The following HGF variants were observed in gnomAD, a reference collection of about 807,000 sequenced individuals.
HGF encodes the protein fibroblast-derived tumor cytotoxic factor.
In HGF, 39 loss-of-function variants were observed where a neutral mutation model predicts 111.6. That is an observed-to-expected ratio of 0.35 (90% CI 0.27 to 0.46). HGF has a LOEUF of 0.46. Ranked by LOEUF, HGF falls within the 20% of genes least tolerant of loss-of-function variation. The pLI, the probability that HGF is intolerant of heterozygous loss-of-function variation, is 1.00. For synonymous variants in HGF, 285 were observed against 294.8 expected, an observed-to-expected ratio of 0.97 and a Z score of 0.34; for missense variants, 735 against 910.5, an observed-to-expected ratio of 0.81 and a Z score of 2.48.
At chr7:81,769,230 A>G (rs1369289294) in intron 1 of HGF, among the ~76,000 whole-genome samples, 2 of 152,170 alleles carry the variant, frequency 1.3e-5, no homozygotes, top group African/African-American at 4.8e-5. Flanking sequence ...CCAAGGGAGA[A>G]AGTGGGAGAC....
intron 9 of HGF, among the ~76,000 whole-genome samples, chr7:81,723,006 A>G (rs1366609836): frequency 6.6e-6 from 1 of 151,936 alleles, no homozygotes; most frequent in Non-Finnish European, 1.5e-5. Context: ...TGACTATGAA[A>G]GGTCATCTGC....
At position 81,720,772 on chromosome 7, in the gene HGF, C is replaced by T; in HGVS notation, c.1244G>A (p.Trp415Ter). 1 of 1,611,948 alleles carries T rather than the reference C, an allele frequency of 6.2e-7. No homozygotes were observed. The highest frequency in any genetic ancestry group is 8.5e-7 in the Non-Finnish European group (1 of 1,178,104). Residue 415 changes from tryptophan to a stop codon, truncating the protein, a stop_gained, in exon 10 of 18, where the codon TGG (tryptophan) becomes TAG (stop). Transcript: ENST00000222390. LOFTEE classifies it high-confidence loss of function. Reference sequence around the variant, plus strand: ...ATGTAAGTCTTCCATGTTCTTGTCCCACATTGAACATGTTAGTCCAGATCT... The same window carrying T: ...ATGTAAGTCTTCCATGTTCTTGTCCTACATTGAACATGTTAGTCCAGATCT... Reference protein sequence around the residue: ...QTRSGLTCSMWDKNMEDLHRH... With the variant: ...QTRSGLTCSM
chr7:81,758,815 T>C lies in HGF; in HGVS notation c.255-11A>G. ...TCAAAAACAAAAGCCCTGAAAAAAA[T>C]ATCAGAATGAAAAGAAGAAATACTA... On this transcript the variant is annotated splice_polypyrimidine_tract_variant and intron_variant, in intron 2 of 17. Coordinates refer to ENST00000222390, the MANE Select transcript of HGF (RefSeq NM_000601.6). The C allele has an allele frequency of 6.5e-7, 1 of 1,546,860 alleles. No individual in the cohort carries two copies.
chr7:81,757,036 C>A, intron 4 of HGF, 153 bp downstream of exon 4: 2 of 634,504 alleles, frequency 3.2e-6, no homozygotes, highest in Non-Finnish European at 5.7e-6. Context: ...TGCTAAATAT[C>A]AGTCATGAAT....
At chr7:81,746,874 G>C (rs765602600) in intron 5 of HGF, among the ~76,000 whole-genome samples, 1 of 152,144 alleles carries the variant, frequency 6.6e-6, no homozygotes, top group Non-Finnish European at 1.5e-5. Flanking sequence ...GCAGATCAAT[G>C]CTTGTTCAAA....
At chr7:81,750,927 A>AT in intron 5 of HGF, 1 of 903,320 alleles carries the variant, frequency 1.1e-6, no homozygotes, top group Non-Finnish European at 1.3e-6. Context: ...ATTATTTTTA[A>AT]AAGAAAAGAA....
At chr7:81,741,429 C>T (rs902012255) in intron 7 of HGF, among the ~76,000 whole-genome samples, 2 of 152,090 alleles carry the variant, frequency 1.3e-5, no homozygotes, top group East Asian at 3.9e-4. Flanking sequence ...TAGCCAGTGT[C>T]ATAGTCATTC....
intron 9 of HGF, among the ~76,000 whole-genome samples, chr7:81,722,491 A>G (rs1039133159): frequency 4.6e-5 from 7 of 151,864 alleles, no homozygotes; most frequent in African/African-American, 1.7e-4. Flanking sequence ...TAATCAAAAG[A>G]AATGTAGTCA....
Position 81,707,292 on chromosome 7 carries a change from A to T in HGF, c.1614T>A (p.Ser538=), listed in dbSNP as rs368519009. The change falls in exon 14 of 18, where the codon TCT becomes TCA. Residue 538 remains serine, a splice_region_variant and synonymous_variant. Transcript: ENST00000222390. The part of the protein sequence containing the change: ...WVLTARQCFP[S]RDLKDYEAWL... ...TACTAGTTTTAAAAACACTTTACCG[A>T]GAAGGGAAACACTGTCGTGCAGTAA... is the stretch of plus-strand genomic sequence containing the variant. 4 of 1,563,066 alleles carry T rather than the reference A, an allele frequency of 2.6e-6. No homozygotes were observed. Among genetic ancestry groups the T allele is most frequent in the Non-Finnish European group, 3.5e-6 (4 of 1,134,082 alleles).
intron 7 of HGF, 136 bp from the exon 8 acceptor site, chr7:81,729,915 G>T: frequency 3.1e-5 from 20 of 652,302 alleles, no homozygotes; most frequent in South Asian, 8.7e-5. Flanking sequence ...ATAATTGAGT[G>T]GAATAAGAAA....
chr7:81,756,229 T>A lies in HGF; in HGVS notation c.482+960A>T, dbSNP rs76998247. 1,722 of 569,840 alleles carry A rather than the reference T, an allele frequency of 3.0e-3. 27 individuals are homozygous for A. Among genetic ancestry groups the A allele is most frequent in the African/African-American group, 0.029 (1,508 of 52,504 alleles). The allele number at this position is 569,840 out of a possible 1,614,324, so 35.3% of individuals were successfully genotyped here. On this transcript the variant is annotated intron_variant, in intron 4 of 17. Transcript: ENST00000222390. Reference sequence around the variant, plus strand: ...GAAAACTTACTAAGTGTTTTTATGCTTCAGTTTTGTCATGTAGGTAAAATA... The same window carrying A: ...GAAAACTTACTAAGTGTTTTTATGCATCAGTTTTGTCATGTAGGTAAAATA...
chr7:81,731,692 CTG>C (rs1385987951), intron 7 of HGF, among the ~76,000 whole-genome samples: 2 of 152,068 alleles, frequency 1.3e-5, no homozygotes, highest in Admixed American at 6.6e-5. Context: ...TATGAGGAAA[CTG>C]AATGTATGGG....
chr7:81,729,543 C>G (rs998341281), intron 8 of HGF, 62 bp downstream of exon 8: 1 of 1,276,456 alleles, frequency 7.8e-7, no homozygotes, highest in Admixed American at 1.7e-5. Context: ...TAAAAAGTAA[C>G]CACTCTACCT....
intron 8 of HGF, 150 bp from the exon 9 acceptor site, chr7:81,726,167 T>G (rs1790003547): frequency 1.3e-6 from 1 of 767,164 alleles, no homozygotes; most frequent in South Asian, 1.5e-5. Context: ...CAATTTAATA[T>G]TCAGTATACA....
chr7:81,755,272 C>G (rs927163503), intron 4 of HGF: 3 of 152,106 alleles, frequency 2.0e-5, no homozygotes, highest in Non-Finnish European at 4.4e-5. Flanking sequence ...TTCCTCCAGA[C>G]AGAAACATAT....
chr7:81,705,697 G>C lies in HGF; in HGVS notation c.1814C>G (p.Thr605Arg), dbSNP rs147075806. ...ACTGCAACTGGTCTTTTCAGGAATT[G>C]TGCATCCATAATTAGGTAAATCAAT... ...STIDLPNYGC[T>R]IPEKTSCSVY... is the part of the protein sequence containing the mutation. The change falls in exon 16 of 18, where the codon ACA becomes AGA. Residue 605 changes from threonine (T) to arginine (R), a missense_variant. Transcript: ENST00000222390. The C allele has an allele frequency of 3.1e-6, 5 of 1,612,612 alleles. No homozygotes were observed. The highest frequency in any genetic ancestry group is 3.3e-4 in the Middle Eastern group (2 of 6,056).
At chr7:81,708,556 A>G (rs1290022924) in intron 13 of HGF, among the ~76,000 whole-genome samples, 2 of 10,842 alleles carry the variant, frequency 1.8e-4, no homozygotes, top group East Asian at 0.01. Flanking sequence ...TTTTTTTGAG[A>G]CAGAGTCTCG....
chr7:81,755,352 T>C (rs1234225380), intron 4 of HGF: 1 of 152,150 alleles, frequency 6.6e-6, no homozygotes, highest in Non-Finnish European at 1.5e-5. Context: ...CATGCAGATA[T>C]TCCAATAAGC....
At chr7:81,731,885 A>T (rs1204477225) in intron 7 of HGF, among the ~76,000 whole-genome samples, 1 of 152,164 alleles carries the variant, frequency 6.6e-6, no homozygotes. Context: ...TTGGGCAGCA[A>T]ACTTGTGACC....
Sources: gnomAD v4.1 joint callset for allele counts (sites outside exome capture counted in the v4.1 genomes callset) on GRCh38, gnomAD v4.1.1 for gene constraint, MANE v1.5 for transcripts, NCBI Gene and HGNC (gene_info 2026-07-23, HGNC 2026-07-21) for gene names.